The following AFAP1L2 variants were observed in gnomAD, a reference collection of about 807,000 sequenced individuals.
The protein encoded by AFAP1L2 is actin filament associated protein 1 like 2, also known as actin filament-associated protein 1-like 2.
Under a neutral mutation model 99.3 loss-of-function variants are expected in AFAP1L2, and 46 were observed. The observed-to-expected ratio is 0.46, with a 90% CI of 0.37 to 0.59. AFAP1L2 has a LOEUF of 0.59. Ranked by LOEUF, AFAP1L2 falls within the 20% of genes least tolerant of loss-of-function variation. The pLI is 0.00. For synonymous variants in AFAP1L2, 397 were observed against 419.1 expected, an observed-to-expected ratio of 0.95 and a Z score of 0.64; for missense variants, 959 against 1,034.9, an observed-to-expected ratio of 0.93 and a Z score of 1.01.
At chr10:114,370,154 C>G (rs1013274949) in intron 1 of AFAP1L2, among the ~76,000 whole-genome samples, 1 of 152,164 alleles carries the variant, frequency 6.6e-6, no homozygotes, top group African/African-American at 2.4e-5. Context: ...TAATTCTCCT[C>G]TTTGAATAGT....
chr10:114,353,681 A>C (rs1336243132), intron 1 of AFAP1L2, among the ~76,000 whole-genome samples: 3 of 152,246 alleles, frequency 2.0e-5, no homozygotes, highest in Non-Finnish European at 4.4e-5. Flanking sequence ...CAGACTGTAC[A>C]GAGAGTGGAC....
At chr10:114,400,917 A>T (rs2058172285) in intron 1 of AFAP1L2, among the ~76,000 whole-genome samples, 1 of 152,236 alleles carries the variant, frequency 6.6e-6, no homozygotes, top group Admixed American at 6.5e-5. Context: ...ACACAAAAAA[A>T]CCTGAGTTCG....
intron 5 of AFAP1L2, among the ~76,000 whole-genome samples, chr10:114,317,167 T>C (rs1448960966): frequency 1.3e-5 from 2 of 152,278 alleles, no homozygotes; most frequent in African/African-American, 4.8e-5. Context: ...GCACGTTTGA[T>C]TTTACTAAGA....
At chr10:114,314,347 G>C (rs1194944169) in intron 6 of AFAP1L2, among the ~76,000 whole-genome samples, 1 of 152,186 alleles carries the variant, frequency 6.6e-6, no homozygotes. Context: ...AGGCCTGGAG[G>C]GCCTAAAATA....
At chr10:114,361,987 A>AT (rs1262447136) in intron 1 of AFAP1L2, among the ~76,000 whole-genome samples, 1 of 152,064 alleles carries the variant, frequency 6.6e-6, no homozygotes, top group Non-Finnish European at 1.5e-5. Flanking sequence ...CAGCTATTCA[A>AT]TTTTTTCTTT....
At chr10:114,383,957 C>T (rs920653018) in intron 1 of AFAP1L2, among the ~76,000 whole-genome samples, 1 of 152,200 alleles carries the variant, frequency 6.6e-6, no homozygotes. Context: ...AACCTCGTCA[C>T]AGGAAGAATG....
At chr10:114,331,980 A>G (rs2047307343) in intron 3 of AFAP1L2, 83 bp from the exon 4 acceptor site, 1 of 908,866 alleles carries the variant, frequency 1.1e-6, no homozygotes, top group Non-Finnish European at 1.5e-6. Context: ...GCCCGGTCAC[A>G]TGCACCCTGT....
chr10:114,301,619 C>T, intron 12 of AFAP1L2, 154 bp from the exon 13 acceptor site: 1 of 604,682 alleles, frequency 1.7e-6, no homozygotes, highest in Non-Finnish European at 3.0e-6. Flanking sequence ...GATCTGAGGG[C>T]ACCTCCTCCC....
chr10:114,367,767 T>C (rs1168927775), intron 1 of AFAP1L2, among the ~76,000 whole-genome samples: 2 of 152,202 alleles, frequency 1.3e-5, no homozygotes, highest in Non-Finnish European at 2.9e-5. Flanking sequence ...CTCCCCACCC[T>C]TTTCTAACTG....
intron 10 of AFAP1L2, among the ~76,000 whole-genome samples, chr10:114,306,374 A>AGGGGACGCGGGGGCCGGAGGGGACGCGG (rs1164260630): frequency 2.0e-5 from 3 of 147,934 alleles, no homozygotes; most frequent in Admixed American, 1.4e-4. Flanking sequence ...CGGGGGCAGG[A>AGGGGACGCGGGGGCCGGAGGGGACGCGG]GGGCATGGGT....
intron 1 of AFAP1L2, among the ~76,000 whole-genome samples, chr10:114,349,371 G>C (rs1176400205): frequency 1.0e-5 from 1 of 98,868 alleles, no homozygotes; most frequent in African/African-American, 3.8e-5. Context: ...CAACAAGAGT[G>C]AAACTCGGTC....
intron 1 of AFAP1L2, among the ~76,000 whole-genome samples, chr10:114,362,297 G>A (rs112911726): frequency 1.4e-4 from 21 of 152,268 alleles, no homozygotes; most frequent in Admixed American, 7.8e-4. Context: ...AACCCCTAAC[G>A]CCTGTGAATG....
At chr10:114,361,974 C>A (rs187567735) in intron 1 of AFAP1L2, among the ~76,000 whole-genome samples, 2 of 152,128 alleles carry the variant, frequency 1.3e-5, no homozygotes, top group Non-Finnish European at 2.9e-5. Context: ...TATCTTACCA[C>A]GACAGCTATT....
chr10:114,383,283 A>G (rs1240754688), intron 1 of AFAP1L2, among the ~76,000 whole-genome samples: 1 of 151,552 alleles, frequency 6.6e-6, no homozygotes, highest in Non-Finnish European at 1.5e-5. Flanking sequence ...ACTTATTACC[A>G]TAGGGGTTGG....
intron 1 of AFAP1L2, among the ~76,000 whole-genome samples, chr10:114,354,634 T>G (rs955917450): frequency 6.6e-6 from 1 of 152,142 alleles, no homozygotes; most frequent in Non-Finnish European, 1.5e-5. Flanking sequence ...ATTTGCTATA[T>G]GGGCTTTGGG....
At chr10:114,308,583 G>T in intron 8 of AFAP1L2, 66 bp from the exon 9 acceptor site, 1 of 1,414,038 alleles carries the variant, frequency 7.1e-7, no homozygotes, top group South Asian at 1.2e-5. Flanking sequence ...GACCACAATT[G>T]AAGGGAAAAT....
chr10:114,300,804 A>T, intron 13 of AFAP1L2, 114 bp from the exon 14 acceptor site: 1 of 1,412,484 alleles, frequency 7.1e-7, no homozygotes, highest in Non-Finnish European at 9.5e-7. Context: ...GTTCCAAGAG[A>T]TCTCCCTCCC....
At chr10:114,280,923 T>A in the AFAP1L2 span, 9 of 152,140 alleles carry the variant, frequency 5.9e-5, no homozygotes, top group African/African-American at 1.9e-4. Context: ...GATTTTTTTT[T>A]ATAGATGGGG....
chr10:114,386,027 C>A (rs190650581), intron 1 of AFAP1L2, among the ~76,000 whole-genome samples: 2 of 152,072 alleles, frequency 1.3e-5, no homozygotes, highest in African/African-American at 4.8e-5. Flanking sequence ...CGGTCACTAC[C>A]AGATGTGGGC....
Sources: allele counts gnomAD v4.1 joint callset (sites outside exome capture counted in the v4.1 genomes callset), GRCh38; gene constraint gnomAD v4.1.1; transcripts MANE v1.5; gene names NCBI Gene and HGNC (gene_info 2026-07-23, HGNC 2026-07-21).